MDGA2: variants seen among roughly 807,000 people sequenced by gnomAD.
MDGA2 encodes the protein MAM domain containing glycosylphosphatidylinositol anchor 2.
A neutral mutation model predicts 117.8 loss-of-function variants in MDGA2; 40 were observed. That is an observed-to-expected ratio of 0.34 (90% CI 0.26 to 0.44). The LOEUF (loss-of-function observed/expected upper bound fraction) is 0.44, where lower values mean the gene tolerates loss of function less well. MDGA2 is among the 20% of genes least tolerant of loss of function. The pLI is 1.00. For synonymous variants in MDGA2, 452 were observed against 439.0 expected (o/e 1.03, Z -0.37); for missense variants, 1,123 against 1,250.6 (o/e 0.90, Z 1.54).
intron 3 of MDGA2, among the ~76,000 whole-genome samples, chr14:47,173,530 T>C (rs1444266731): frequency 2.6e-5 from 4 of 152,168 alleles, no homozygotes; most frequent in African/African-American, 4.8e-5. Flanking sequence ...CAACCCAGAA[T>C]TTCATATCCA....
At chr14:47,276,331 G>A (rs898678675) in intron 2 of MDGA2, among the ~76,000 whole-genome samples, 7 of 152,076 alleles carry the variant, frequency 4.6e-5, no homozygotes, top group African/African-American at 9.7e-5. Context: ...CTATTTAGCC[G>A]TAATCCCTGG....
intron 10 of MDGA2, among the ~76,000 whole-genome samples, chr14:46,899,062 G>A (rs924961702): frequency 1.3e-5 from 2 of 151,974 alleles, no homozygotes; most frequent in Non-Finnish European, 1.5e-5. Flanking sequence ...ATGGAAAGGG[G>A]ATTATGTCAC....
chr14:47,148,852 C>T (rs989848242), intron 3 of MDGA2, among the ~76,000 whole-genome samples: 2 of 152,254 alleles, frequency 1.3e-5, no homozygotes, highest in African/African-American at 4.8e-5. Flanking sequence ...CTCTTACTCA[C>T]CCATTTTTAA....
chr14:47,168,857 T>C (rs942160467), intron 3 of MDGA2, among the ~76,000 whole-genome samples: 1 of 152,090 alleles, frequency 6.6e-6, no homozygotes, highest in Non-Finnish European at 1.5e-5. Context: ...ATGATTTTTC[T>C]TTTGACTGGG....
At chr14:47,535,537 T>C (rs1895192719) in intron 1 of MDGA2, among the ~76,000 whole-genome samples, 1 of 152,210 alleles carries the variant, frequency 6.6e-6, no homozygotes, top group African/African-American at 2.4e-5. Flanking sequence ...CAGGGTTTAG[T>C]CAGCTCTGTG....
At chr14:47,355,335 C>G (rs1157419730) in intron 1 of MDGA2, among the ~76,000 whole-genome samples, 1 of 152,154 alleles carries the variant, frequency 6.6e-6, no homozygotes, top group African/African-American at 2.4e-5. Flanking sequence ...GCTGGAAGAT[C>G]TTTGGGTATT....
chr14:47,298,110 A>G lies in MDGA2; in HGVS notation c.420+3301T>C, dbSNP rs191900978. 2.3e-3 allele frequency among the ~76,000 whole-genome samples: 352 copies of G among 152,304 alleles called. 2 individuals are homozygous for G. The highest frequency in any genetic ancestry group is 6.4e-3 in the Admixed American group (98 of 15,310). Reference sequence around the variant, plus strand: ...TCTATGATATAAGATAGTTATTATCATCCCTAATATATAAAAAAGAAAACT... The same window carrying G: ...TCTATGATATAAGATAGTTATTATCGTCCCTAATATATAAAAAAGAAAACT... On this transcript the variant is annotated intron_variant, in intron 2 of 16. Coordinates refer to ENST00000399232, the MANE Select transcript of MDGA2 (RefSeq NM_001113498.3).
At chr14:46,928,607 C>T (rs1297409475) in intron 9 of MDGA2, among the ~76,000 whole-genome samples, 2 of 152,102 alleles carry the variant, frequency 1.3e-5, no homozygotes, top group East Asian at 3.9e-4. Flanking sequence ...TTTCTAGTGA[C>T]TCAGCATGCC....
intron 3 of MDGA2, among the ~76,000 whole-genome samples, chr14:47,180,406 A>G (rs1884651451): frequency 6.6e-6 from 1 of 152,206 alleles, no homozygotes; most frequent in African/African-American, 2.4e-5. Context: ...AATAGAGGAA[A>G]CAGACAACCT....
intron 8 of MDGA2, among the ~76,000 whole-genome samples, chr14:46,972,390 C>T (rs918998995): frequency 6.6e-6 from 1 of 151,946 alleles, no homozygotes; most frequent in African/African-American, 2.4e-5. Context: ...GATATTGAGC[C>T]ATTTGTAGGA....
intron 8 of MDGA2, among the ~76,000 whole-genome samples, chr14:47,020,994 C>A (rs1309470433): frequency 6.6e-6 from 1 of 152,052 alleles, no homozygotes; most frequent in Admixed American, 6.5e-5. Flanking sequence ...ATATGAATTT[C>A]CAGGCTACTA....
chr14:47,276,931 A>G (rs1341434412), intron 2 of MDGA2, among the ~76,000 whole-genome samples: 2 of 152,176 alleles, frequency 1.3e-5, no homozygotes, highest in African/African-American at 2.4e-5. Flanking sequence ...GTCCTAGGTT[A>G]CTGTGTGGAG....
At chr14:47,305,747 A>C (rs1414933369) in intron 1 of MDGA2, among the ~76,000 whole-genome samples, 1 of 152,192 alleles carries the variant, frequency 6.6e-6, no homozygotes, top group East Asian at 1.9e-4. Flanking sequence ...CTTACAGCCT[A>C]CTGGGTTTGT....
intron 1 of MDGA2, among the ~76,000 whole-genome samples, chr14:47,366,160 T>C (rs143716421): frequency 6.6e-6 from 1 of 152,268 alleles, no homozygotes; most frequent in African/African-American, 2.4e-5. Context: ...TTCTTTCACA[T>C]AGCTCAAACT....
chr14:47,189,588 C>G (rs1005191614), intron 3 of MDGA2, among the ~76,000 whole-genome samples: 1 of 151,982 alleles, frequency 6.6e-6, no homozygotes, highest in African/African-American at 2.4e-5. Context: ...ACCTTTTAAA[C>G]AAAAATGCTG....
intron 1 of MDGA2, among the ~76,000 whole-genome samples, chr14:47,557,819 A>C (rs1455455962): frequency 2.0e-5 from 3 of 152,204 alleles, no homozygotes; most frequent in Middle Eastern, 3.2e-3. Context: ...CTTATGAGTC[A>C]TCTTTAACAA....
At chr14:47,390,414 C>T (rs1405590085) in intron 1 of MDGA2, among the ~76,000 whole-genome samples, 1 of 152,110 alleles carries the variant, frequency 6.6e-6, no homozygotes, top group Non-Finnish European at 1.5e-5. Flanking sequence ...TGGCTGGTGC[C>T]TCTCGCCAAA....
chr14:47,522,055 T>C (rs748255935), intron 1 of MDGA2, among the ~76,000 whole-genome samples: 6 of 152,146 alleles, frequency 3.9e-5, no homozygotes, highest in Admixed American at 1.3e-4. Context: ...ATTAAGCCCC[T>C]GAATGACTCT....
chr14:47,214,183 G>C (rs545225232), intron 3 of MDGA2, among the ~76,000 whole-genome samples: 15 of 151,924 alleles, frequency 9.9e-5, no homozygotes, highest in Non-Finnish European at 1.9e-4. Context: ...TGTGGGCATG[G>C]GGGAAACTAT....
Sources: gnomAD v4.1 joint callset for allele counts (sites outside exome capture counted in the v4.1 genomes callset) on GRCh38, gnomAD v4.1.1 for gene constraint, MANE v1.5 for transcripts, NCBI Gene and HGNC (gene_info 2026-07-23, HGNC 2026-07-21) for gene names.